DTHD1: variants seen among roughly 807,000 people sequenced by gnomAD.
The protein encoded by DTHD1 is death domain containing 1.
A neutral mutation model predicts 74.8 loss-of-function variants in DTHD1; 59 were observed. That is an observed-to-expected ratio of 0.79 (90% CI 0.64 to 0.98). The LOEUF is 0.98. Ranked by LOEUF, DTHD1 falls within the 50% of genes least tolerant of loss-of-function variation. DTHD1 has a pLI of 0.00. For synonymous variants in DTHD1, 365 were observed against 371.1 expected (o/e 0.98, Z 0.19); for missense variants, 1,051 against 1,065.4 (o/e 0.99, Z 0.19).
At chr4:36,293,873 T>C (rs1208934679) in intron 4 of DTHD1, among the ~76,000 whole-genome samples, 168 bp downstream of exon 4, 1 of 152,184 alleles carries the variant, frequency 6.6e-6, no homozygotes, top group Non-Finnish European at 1.5e-5. Context: ...ATGTAATGAT[T>C]TTGAGCATAT....
rs1370495432 is a variant in DTHD1, at chr4:36,302,709, GTGGACT to G, written c.1644-3480_1644-3475del. On this transcript the variant is annotated intron_variant, in intron 5 of 9. Transcript: ENST00000639862. ...ATTTGACTTCAGGCAATGTGGCTAT[GTGGACT>G]TTCTTCTTCCCTTTACTTTTCCATT... Among the ~76,000 whole-genome samples the G allele has an allele frequency of 7.9e-5, 12 of 152,294 alleles. No homozygotes were observed. In the South Asian group the frequency reaches 1.7e-3, roughly 21 times the overall value.
chr4:36,318,073 C>T (rs953554804), intron 8 of DTHD1, among the ~76,000 whole-genome samples: 1 of 152,194 alleles, frequency 6.6e-6, no homozygotes, highest in African/African-American at 2.4e-5. Flanking sequence ...ACTAAACCCT[C>T]ACAGAAATCC....
chr4:36,340,876 A>C (rs1045579336), intron 9 of DTHD1, among the ~76,000 whole-genome samples: 4 of 152,188 alleles, frequency 2.6e-5, no homozygotes, highest in Admixed American at 2.6e-4. Flanking sequence ...TAGGAGGAAG[A>C]GAGTTAGCAG....
At position 36,284,229 on chromosome 4, in the gene DTHD1, C is replaced by A. The variant is rs1485581134; in HGVS notation, c.525C>A (p.Val175=). 6.5e-7 allele frequency: 1 copy of A among 1,536,894 alleles called. No individual in the cohort carries two copies. The highest frequency in any genetic ancestry group is 1.2e-5 in the South Asian group (1 of 84,030). ...AGGAAAGTCATTACACAAACCAGGT[C>A]CAGTTAGAAAAAAATAAAACACATA... ...NGEESHYTNQ[V]QLEKNKTHMS... Residue 175 remains valine, a synonymous_variant, in exon 2 of 10, where the codon GTC becomes GTA. Transcript: ENST00000639862.
chr4:36,309,831 T>C (rs1757283719), intron 7 of DTHD1, among the ~76,000 whole-genome samples: 1 of 152,242 alleles, frequency 6.6e-6, no homozygotes, highest in Non-Finnish European at 1.5e-5. Flanking sequence ...GATAGATTTA[T>C]ATCTAGAGAA....
chr4:36,342,878 A>T (rs1759395138), intron 9 of DTHD1, among the ~76,000 whole-genome samples: 1 of 142,712 alleles, frequency 7.0e-6, no homozygotes, highest in Non-Finnish European at 1.5e-5. Context: ...GATTGAAACC[A>T]TCTTGGCCAA....
intron 8 of DTHD1, among the ~76,000 whole-genome samples, chr4:36,318,741 A>T (rs1253082430): frequency 6.7e-6 from 1 of 149,886 alleles, no homozygotes; most frequent in Non-Finnish European, 1.5e-5. Context: ...CAGCCTCCCG[A>T]GTAGCTGGGA....
chr4:36,290,365 C>T lies in DTHD1; in HGVS notation c.888-8C>T, dbSNP rs1215031557. On this transcript the variant is annotated splice_polypyrimidine_tract_variant and splice_region_variant and intron_variant, in intron 2 of 9. Coordinates refer to ENST00000639862, the MANE Select transcript of DTHD1 (RefSeq NM_001170700.3). ...ATTGGAAAAATGACATTCTTTTTCC[C>T]CCTCCAGGTATCTTGATGTGCTGAG... 40 of 1,532,986 alleles carry T rather than the reference C, an allele frequency of 2.6e-5. 1 individual carries two copies. Among genetic ancestry groups the T allele is most frequent in the Non-Finnish European group, 2.9e-5 (33 of 1,137,564 alleles). 95.0% of individuals were successfully genotyped at this position (1,532,986 alleles called of 1,614,324 possible). A position where few individuals can be genotyped will look rare whatever the true frequency, so the allele number is the denominator to read the frequency against.
chr4:36,290,331 A>C (rs1345219094), intron 2 of DTHD1, 42 bp from the exon 3 acceptor site: 10 of 1,503,886 alleles, frequency 6.6e-6, no homozygotes, highest in Admixed American at 2.1e-5. Flanking sequence ...AAAGTACATA[A>C]ATCAAATAAT....
chr4:36,290,502 T>C lies in DTHD1; in HGVS notation c.1017T>C (p.Asn339=), dbSNP rs1756008553. The C allele has an allele frequency of 5.2e-6, 8 of 1,551,554 alleles. No individual in the cohort carries two copies. The East Asian group carries it at 7.3e-5, about 14-fold the overall frequency. ...NHMSSLIVGD[N]EELVSNVITI... ...TGAGTTCTTTAATAGTGGGTGATAATGAAGAGTTAGTTAGCAACGTCATAA... is the reference window on the plus strand; with the variant it reads ...TGAGTTCTTTAATAGTGGGTGATAACGAAGAGTTAGTTAGCAACGTCATAA... Residue 339 remains asparagine (N), a synonymous_variant, in exon 3 of 10, where the codon AAT becomes AAC. Transcript: ENST00000639862.
intron 2 of DTHD1, among the ~76,000 whole-genome samples, chr4:36,285,965 T>C (rs1035172688): frequency 5.3e-5 from 8 of 152,226 alleles, no homozygotes; most frequent in Non-Finnish European, 1.0e-4. Context: ...TCTGCTTTGA[T>C]GTACTGATGC....
At chr4:36,339,190 C>G (rs17460427) in intron 9 of DTHD1, 21 bp downstream of exon 9, 147,360 of 1,514,474 alleles carry the variant, frequency 0.097, 8,157 homozygotes, top group Non-Finnish European at 0.11. Flanking sequence ...TTTGCTTTGT[C>G]ATCATTATAG....
At chr4:36,322,900 A>T (rs1758121761) in intron 8 of DTHD1, among the ~76,000 whole-genome samples, 1 of 152,198 alleles carries the variant, frequency 6.6e-6, no homozygotes. Context: ...TTTTAGATGG[A>T]AGGGAGTGGA....
intron 8 of DTHD1, among the ~76,000 whole-genome samples, chr4:36,323,926 C>A (rs980331188): frequency 1.3e-5 from 2 of 152,128 alleles, no homozygotes; most frequent in African/African-American, 2.4e-5. Context: ...GCACTCCATG[C>A]ATCTCCCTTA....
chr4:36,297,192 G>C (rs1178149899), intron 5 of DTHD1, among the ~76,000 whole-genome samples: 1 of 152,070 alleles, frequency 6.6e-6, no homozygotes, highest in South Asian at 2.1e-4. Context: ...AGTGGCAGAG[G>C]AGCAAGAAAA....
chr4:36,309,687 T>G (rs903424637), intron 7 of DTHD1, among the ~76,000 whole-genome samples: 4 of 152,214 alleles, frequency 2.6e-5, no homozygotes. Flanking sequence ...AATGCTTTAT[T>G]TTTTATATCA....
chr4:36,289,282 C>G (rs983984992), intron 2 of DTHD1, among the ~76,000 whole-genome samples: 3 of 152,148 alleles, frequency 2.0e-5, no homozygotes, highest in African/African-American at 7.2e-5. Flanking sequence ...ATTTATTGAG[C>G]ATACATCTTA....
chr4:36,300,953 C>T (rs1475801574), intron 5 of DTHD1, among the ~76,000 whole-genome samples: 3 of 151,962 alleles, frequency 2.0e-5, no homozygotes, highest in South Asian at 2.1e-4. Flanking sequence ...AATAAGATTC[C>T]CTGTGAATTG....
chr4:36,310,787 T>C (rs535031163), intron 7 of DTHD1, among the ~76,000 whole-genome samples: 1 of 152,200 alleles, frequency 6.6e-6, no homozygotes, highest in Admixed American at 6.5e-5. Context: ...TACTGTCACA[T>C]ACAGGATCTC....
Sources: allele counts gnomAD v4.1 joint callset (sites outside exome capture counted in the v4.1 genomes callset), GRCh38; gene constraint gnomAD v4.1.1; transcripts MANE v1.5; gene names NCBI Gene and HGNC (gene_info 2026-07-23, HGNC 2026-07-21).